The following PKHD1 variants were observed in gnomAD, a reference collection of about 807,000 sequenced individuals.
The protein encoded by PKHD1 is fibrocystin.
A neutral mutation model predicts 412.0 loss-of-function variants in PKHD1; 291 were observed. The observed-to-expected ratio is 0.71, with a 90% CI of 0.64 to 0.78. The LOEUF is 0.78. PKHD1 is among the 30% of genes least tolerant of loss of function. The pLI, the probability that PKHD1 is intolerant of heterozygous loss-of-function variation, is 0.00. For missense variants in PKHD1, 4,825 were observed against 4,950.7 expected (o/e 0.97, Z 0.76); for synonymous variants, 1,777 against 1,821.5 (o/e 0.98, Z 0.62).
chr6:51,721,953 C>G (rs1379819359), intron 60 of PKHD1: 4 of 1,613,348 alleles, frequency 2.5e-6, no homozygotes, highest in Non-Finnish European at 3.4e-6. Flanking sequence ...CCTCATTAAT[C>G]TTTCAAAGTT....
chr6:52,060,193 A>G (rs1808466258), intron 14 of PKHD1, 151 bp from the exon 15 acceptor site: 5 of 666,842 alleles, frequency 7.5e-6, no homozygotes, highest in Admixed American at 4.1e-5. Context: ...ATATTCTAGA[A>G]AGAGATATAG....
rs545308626 is a variant in PKHD1 at position 51,694,532 on chromosome 6, C to T, written c.10157-34563G>A. 8.1e-4 allele frequency among the ~76,000 whole-genome samples: 121 copies of T among 149,238 alleles called. 1 individual carries two copies. Among genetic ancestry groups the T allele is most frequent in the African/African-American group, 1.9e-3 (76 of 40,668 alleles). On this transcript the variant is annotated intron_variant, in intron 60 of 66. Transcript: ENST00000371117. ...CCAAGTAGCTCAGATTACAGGTGCC[C>T]GCCACCACAACCAGCCTTTTTTTTT...
At chr6:51,715,198 C>A (rs1781113252) in intron 60 of PKHD1, among the ~76,000 whole-genome samples, 1 of 151,966 alleles carries the variant, frequency 6.6e-6, no homozygotes, top group African/African-American at 2.4e-5. Context: ...ACTTCCAAAA[C>A]TAGGCAGAAC....
chr6:51,868,369 G>T (rs1235930033), intron 47 of PKHD1, among the ~76,000 whole-genome samples: 1 of 152,042 alleles, frequency 6.6e-6, no homozygotes, highest in African/African-American at 2.4e-5. Flanking sequence ...ACATTGTAGG[G>T]CAGTGATTTT....
intron 59 of PKHD1, among the ~76,000 whole-genome samples, chr6:51,745,111 CT>C (rs1395183889): frequency 6.6e-6 from 1 of 151,986 alleles, no homozygotes; most frequent in Non-Finnish European, 1.5e-5. Flanking sequence ...TTTATTTCCC[CT>C]AATCTAATGC....
chr6:51,805,694 G>T (rs1582798860), intron 52 of PKHD1, among the ~76,000 whole-genome samples: 1 of 152,118 alleles, frequency 6.6e-6, no homozygotes, highest in Non-Finnish European at 1.5e-5. Context: ...GATAATGAAA[G>T]TAAGCCACTA....
intron 60 of PKHD1, among the ~76,000 whole-genome samples, chr6:51,696,962 G>A (rs1037026968): frequency 6.6e-6 from 1 of 152,144 alleles, no homozygotes; most frequent in Non-Finnish European, 1.5e-5. Context: ...GTTGAGGTGA[G>A]CAGATCACTT....
At chr6:52,079,292 T>C (rs576099881) in intron 5 of PKHD1, among the ~76,000 whole-genome samples, 97 of 152,324 alleles carry the variant, frequency 6.4e-4, no homozygotes, top group African/African-American at 2.3e-3. Context: ...ACTTCCTTTT[T>C]GATCTCCCTG....
At position 51,976,944 on chromosome 6, in the gene PKHD1, T is replaced by TAAAAAAAAAAAAAAAAAAAAAAA. The variant is rs10671492; in HGVS notation, c.5752-16919_5752-16918insTTTTTTTTTTTTTTTTTTTTTTT. On this transcript the variant is annotated intron_variant, in intron 35 of 66. Coordinates refer to ENST00000371117, the MANE Select transcript of PKHD1 (RefSeq NM_138694.4). Reference sequence around the variant, plus strand: ...GCCTGGGTGATAGAGTGAGACTCCATAAAAAAAAAAAAAAAAAAAACCTGA... The same window carrying TAAAAAAAAAAAAAAAAAAAAAAA: ...GCCTGGGTGATAGAGTGAGACTCCATAAAAAAAAAAAAAAAAAAAAAAAAAAAAAAAAAAAAAAAAAAACCTGA... 1.3e-4 allele frequency among the ~76,000 whole-genome samples: 12 copies of TAAAAAAAAAAAAAAAAAAAAAAA among 93,526 alleles called. 1 individual carries two copies. Among genetic ancestry groups the TAAAAAAAAAAAAAAAAAAAAAAA allele is most frequent in the African/African-American group, 5.0e-4 (11 of 21,914 alleles). 61.4% of individuals were successfully genotyped at this position (93,526 alleles called of 152,430 possible).
intron 43 of PKHD1, among the ~76,000 whole-genome samples, chr6:51,893,129 G>A (rs1280916938): frequency 6.6e-6 from 1 of 152,012 alleles, no homozygotes; most frequent in African/African-American, 2.4e-5. Context: ...TGAGAAATGT[G>A]GACTGGAAGC....
rs139311698 is a variant in PKHD1 at position 52,023,518 on chromosome 6, T to C, written c.5237-574A>G. Among the ~76,000 whole-genome samples the C allele has an allele frequency of 5.4e-3, 821 of 152,334 alleles. 7 individuals carry two copies. Among genetic ancestry groups the C allele is most frequent in the African/African-American group, 0.019 (792 of 41,572 alleles). ...TTTATTTGACAATTTTCCTATTTAT[T>C]GAAATTTCCATTTTTTCTCCTCTTT... On this transcript the variant is annotated intron_variant, in intron 32 of 66. Transcript: ENST00000371117.
chr6:51,983,852 T>G (rs1343995363), intron 35 of PKHD1, among the ~76,000 whole-genome samples: 1 of 152,244 alleles, frequency 6.6e-6, no homozygotes, highest in Non-Finnish European at 1.5e-5. Context: ...AACGGTGTGT[T>G]TATTGAAAAG....
At position 51,903,664 on chromosome 6, in the gene PKHD1, C is replaced by A. The variant is rs764574188; in HGVS notation, c.6929G>T (p.Gly2310Val). The A allele has an allele frequency of 1.2e-6, 2 of 1,610,384 alleles. No individual in the cohort carries two copies. Among genetic ancestry groups the A allele is most frequent in the African/African-American group, 1.3e-5 (1 of 74,666 alleles). ...TGTCAACATTTCAGGATTGGAGAGT[C>A]CCTCGGCACCAGAAACCTGGATGAT... ...NVIIQVSGAEGLSNPEMLTPS... is the reference protein window; with the variant it reads ...NVIIQVSGAEVLSNPEMLTPS... The change falls in exon 43 of 67, where the codon GGA (glycine) becomes GTA (valine). Residue 2310 changes from glycine (G) to valine (V), a missense_variant. By Grantham distance (109) the Gly-to-Val change is moderately radical. Coordinates refer to ENST00000371117, the MANE Select transcript of PKHD1 (RefSeq NM_138694.4).
At chr6:51,882,871 GTGAT>G (rs1777597650) in intron 46 of PKHD1, among the ~76,000 whole-genome samples, 1 of 152,142 alleles carries the variant, frequency 6.6e-6, no homozygotes, top group Admixed American at 6.5e-5. Context: ...TATGACTTCT[GTGAT>G]TTATCTGTAC....
At chr6:51,873,427 T>A (rs1776322670) in intron 46 of PKHD1, among the ~76,000 whole-genome samples, 1 of 152,196 alleles carries the variant, frequency 6.6e-6, no homozygotes, top group Non-Finnish European at 1.5e-5. Context: ...GCTGATAATG[T>A]TCATTTATTT....
chr6:51,893,530 C>T (rs1034969634), intron 43 of PKHD1, among the ~76,000 whole-genome samples: 5 of 152,208 alleles, frequency 3.3e-5, no homozygotes, highest in Admixed American at 1.3e-4. Flanking sequence ...TTACTCTCAA[C>T]TCCAATTGTG....
chr6:51,842,903 C>G (rs1770490678), intron 50 of PKHD1, among the ~76,000 whole-genome samples: 2 of 152,180 alleles, frequency 1.3e-5, no homozygotes, highest in Non-Finnish European at 2.9e-5. Context: ...CTCTGACATA[C>G]CAGACCTTTT....
chr6:52,023,374 A>G (rs540116246), intron 32 of PKHD1, among the ~76,000 whole-genome samples: 1 of 152,250 alleles, frequency 6.6e-6, no homozygotes, highest in South Asian at 2.1e-4. Context: ...TATTCTATCC[A>G]TATTATTCTG....
intron 32 of PKHD1, among the ~76,000 whole-genome samples, chr6:52,023,456 T>C (rs1801699612): frequency 6.6e-6 from 1 of 152,230 alleles, no homozygotes; most frequent in Non-Finnish European, 1.5e-5. Context: ...TTCATTTTAG[T>C]AGCTACTTAG....
Sources: allele counts gnomAD v4.1 joint callset (sites outside exome capture counted in the v4.1 genomes callset), GRCh38; gene constraint gnomAD v4.1.1; transcripts MANE v1.5; gene names NCBI Gene and HGNC (gene_info 2026-07-23, HGNC 2026-07-21).